Variants in PHACTR1 observed in about 807,000 individuals in gnomAD.
PHACTR1 encodes phosphatase and actin regulator 1, also known as RPEL repeat containing 1.
A neutral mutation model predicts 69.2 loss-of-function variants in PHACTR1; 16 were observed. That is an observed-to-expected ratio of 0.23 (90% CI 0.16 to 0.35). PHACTR1 has a LOEUF of 0.35. Among genes scored for constraint, PHACTR1 ranks in the 10% least tolerant of loss-of-function variants. The pLI is 1.00. For missense variants in PHACTR1, 510 were observed against 734.7 expected (o/e 0.69, Z 3.54); for synonymous variants, 312 against 284.5 (o/e 1.10, Z -0.97).
chr6:13,194,859 G>C (rs1764149651), intron 7 of PHACTR1, among the ~76,000 whole-genome samples: 1 of 152,046 alleles, frequency 6.6e-6, no homozygotes, highest in African/African-American at 2.4e-5. Context: ...AGGGTGCCAG[G>C]GTTGTGTATG....
chr6:12,844,038 G>A (rs148247651), intron 4 of PHACTR1, among the ~76,000 whole-genome samples: 323 of 152,264 alleles, frequency 2.1e-3, no homozygotes, highest in African/African-American at 7.5e-3. Context: ...GAAACTAAAA[G>A]TTATTTCTTA....
At chr6:13,268,127 C>T (rs1391868009) in intron 10 of PHACTR1, among the ~76,000 whole-genome samples, 2 of 152,044 alleles carry the variant, frequency 1.3e-5, no homozygotes, top group Non-Finnish European at 2.9e-5. Context: ...ATTAGCTGGG[C>T]GTGGTGGCAC....
At chr6:13,182,798 A>C in intron 7 of PHACTR1, 112 bp downstream of exon 7, 1 of 1,059,582 alleles carries the variant, frequency 9.4e-7, no homozygotes, top group Non-Finnish European at 1.3e-6. Context: ...TCCTGAGCGT[A>C]AGGATCTGGA....
intron 4 of PHACTR1, among the ~76,000 whole-genome samples, chr6:12,827,940 T>C (rs904578744): frequency 6.6e-6 from 1 of 152,188 alleles, no homozygotes; most frequent in African/African-American, 2.4e-5. Flanking sequence ...TTGTTGGGCT[T>C]TTTTGATACT....
At position 13,000,704 on chromosome 6, in the gene PHACTR1, G is replaced by C. The variant is rs148557137; in HGVS notation, c.251-52661G>C. Among the ~76,000 whole-genome samples the C allele has an allele frequency of 1.3e-3, 205 of 151,892 alleles. 2 individuals carry two copies. Among genetic ancestry groups the C allele is most frequent in the Admixed American group, 2.4e-3 (36 of 15,278 alleles). On this transcript the variant is annotated intron_variant, in intron 4 of 14. Coordinates refer to ENST00000332995, the MANE Select transcript of PHACTR1 (RefSeq NM_030948.6). ...AAGGAAGGAAGGAGAGAAAAACAAA[G>C]GTGGTGGAAGATGCAGCTATAGAGG...
intron 4 of PHACTR1, among the ~76,000 whole-genome samples, chr6:13,028,130 G>A (rs1468446712): frequency 6.6e-6 from 1 of 152,194 alleles, no homozygotes; most frequent in Non-Finnish European, 1.5e-5. Context: ...TCACACATAT[G>A]TCTTGTTTTT....
intron 4 of PHACTR1, among the ~76,000 whole-genome samples, chr6:12,973,143 G>A (rs547479034): frequency 4.1e-4 from 62 of 152,194 alleles, no homozygotes; most frequent in African/African-American, 1.3e-3. Context: ...CATATTCACA[G>A]GGTCAGGATT....
intron 4 of PHACTR1, among the ~76,000 whole-genome samples, chr6:13,008,773 A>G (rs1799122775): frequency 6.6e-6 from 1 of 152,258 alleles, no homozygotes; most frequent in South Asian, 2.1e-4. Context: ...TGGTTTTAAC[A>G]TACTGCACAT....
chr6:13,227,558 C>T (rs770812342), intron 8 of PHACTR1, among the ~76,000 whole-genome samples: 62 of 152,152 alleles, frequency 4.1e-4, no homozygotes, highest in African/African-American at 7.0e-4. Flanking sequence ...TCCTATCCCA[C>T]GCCACTATTC....
chr6:13,012,819 A>G (rs1388787246), intron 4 of PHACTR1, among the ~76,000 whole-genome samples: 1 of 152,214 alleles, frequency 6.6e-6, no homozygotes, highest in Non-Finnish European at 1.5e-5. Context: ...TAGAAATAGC[A>G]TGATTTTAAT....
intron 4 of PHACTR1, among the ~76,000 whole-genome samples, chr6:12,925,771 GA>G (rs1013484864): frequency 7.3e-4 from 111 of 152,136 alleles, no homozygotes; most frequent in African/African-American, 2.6e-3. Flanking sequence ...AAGTATCAGA[GA>G]ACAAAATGGC....
chr6:12,928,923 A>C (rs1163640703), intron 4 of PHACTR1, among the ~76,000 whole-genome samples: 1 of 152,220 alleles, frequency 6.6e-6, no homozygotes, highest in Non-Finnish European at 1.5e-5. Flanking sequence ...GTGATTCAGG[A>C]AAAAGCTCCT....
chr6:12,739,874 C>T (rs887084586), intron 3 of PHACTR1, among the ~76,000 whole-genome samples: 1 of 152,130 alleles, frequency 6.6e-6, no homozygotes, highest in South Asian at 2.1e-4. Flanking sequence ...ATGTGTAGAG[C>T]AACATGCACA....
intron 4 of PHACTR1, among the ~76,000 whole-genome samples, chr6:13,002,044 A>G (rs1798155596): frequency 5.3e-5 from 8 of 152,224 alleles, no homozygotes; most frequent in Admixed American, 5.2e-4. Flanking sequence ...GTTACCAAGC[A>G]TATGCTGGTA....
Position 13,245,555 on chromosome 6 carries a change from A to G in PHACTR1, c.1391+15362A>G, listed in dbSNP as rs370214205. On this transcript the variant is annotated intron_variant, in intron 10 of 14. Coordinates refer to ENST00000332995, the MANE Select transcript of PHACTR1 (RefSeq NM_030948.6). This position sits in a 1 kb window ranked among gnomAD's most constrained non-coding sequence, Gnocchi z 4.1. ...AAGTTTCTTATAGATGCTGGATATT[A>G]GACCTTTGTTGGACGTATAGTTTGC... 6.6e-6 allele frequency among the ~76,000 whole-genome samples: 1 copy of G among 152,198 alleles called. No individual in the cohort carries two copies. The highest frequency in any genetic ancestry group is 2.1e-4 in the South Asian group (1 of 4,838).
intron 4 of PHACTR1, among the ~76,000 whole-genome samples, chr6:12,847,139 T>A (rs545056255): frequency 6.6e-5 from 10 of 152,334 alleles, no homozygotes; most frequent in African/African-American, 2.4e-4. Context: ...TTTTCTTTTG[T>A]TAAAGATAAT....
intron 5 of PHACTR1, among the ~76,000 whole-genome samples, chr6:13,144,682 C>T (rs1308290180): frequency 6.6e-6 from 1 of 150,872 alleles, no homozygotes; most frequent in African/African-American, 2.4e-5. Flanking sequence ...GGGAAGATTG[C>T]CTGAGCCCGG....
At chr6:12,908,672 G>A (rs1200513737) in intron 4 of PHACTR1, among the ~76,000 whole-genome samples, 2 of 152,178 alleles carry the variant, frequency 1.3e-5, no homozygotes, top group African/African-American at 4.8e-5. Context: ...AGTGGGGCCA[G>A]CCTCTGTGTG....
At chr6:13,077,024 T>C (rs1347896701) in intron 5 of PHACTR1, among the ~76,000 whole-genome samples, 1 of 150,248 alleles carries the variant, frequency 6.7e-6, no homozygotes, top group Non-Finnish European at 1.5e-5. Flanking sequence ...CGCACCAGCA[T>C]GGCACATGTA....
Sources: gnomAD v4.1 joint callset for allele counts (sites outside exome capture counted in the v4.1 genomes callset) on GRCh38, gnomAD v4.1.1 for gene constraint, Gnocchi (gnomAD v3.1) non-coding constraint, MANE v1.5 for transcripts, NCBI Gene and HGNC (gene_info 2026-07-23, HGNC 2026-07-21) for gene names.